Variants in EXOC4 observed in about 807,000 individuals in gnomAD.
EXOC4 encodes the protein exocyst complex component 4.
A neutral mutation model predicts 107.2 loss-of-function variants in EXOC4; 71 were observed. The observed-to-expected ratio is 0.66, with a 90% confidence interval of 0.55 to 0.81. The LOEUF (loss-of-function observed/expected upper bound fraction) is 0.81, where lower values mean the gene tolerates loss of function less well. Among genes scored for constraint, EXOC4 ranks in the 30% least tolerant of loss-of-function variants. The pLI, the probability that EXOC4 is intolerant of heterozygous loss-of-function variation, is 0.00. For missense variants in EXOC4, 1,108 were observed against 1,189.6 expected, an observed-to-expected ratio of 0.93 and a Z score of 1.01; for synonymous variants, 456 against 441.2, an observed-to-expected ratio of 1.03 and a Z score of -0.42.
At chr7:134,020,748 G>A (rs1795010193) in intron 17 of EXOC4, among the ~76,000 whole-genome samples, 1 of 152,142 alleles carries the variant, frequency 6.6e-6, no homozygotes. Flanking sequence ...CACTTTGGGA[G>A]GCTGAGGCAG....
chr7:133,377,521 T>C (rs1796515758), intron 7 of EXOC4, among the ~76,000 whole-genome samples: 1 of 152,126 alleles, frequency 6.6e-6, no homozygotes, highest in African/African-American at 2.4e-5. Flanking sequence ...AACAAAGCTA[T>C]AATATCTTCA....
intron 10 of EXOC4, among the ~76,000 whole-genome samples, chr7:133,755,831 G>A (rs1002166051): frequency 1.3e-5 from 2 of 151,940 alleles, no homozygotes; most frequent in Non-Finnish European, 2.9e-5. Context: ...TAATTTCTTC[G>A]TGTCTAGTGT....
In EXOC4 at chr7:133,708,113, T is replaced by C. The variant is rs533257924; in HGVS notation, c.1514+77972T>C. Among the ~76,000 whole-genome samples, 4 of 152,306 alleles carry C rather than the reference T, an allele frequency of 2.6e-5. 1 individual carries two copies. The South Asian group carries it at 8.3e-4, about 32-fold the overall frequency. On this transcript the variant is annotated intron_variant, in intron 10 of 17. Transcript: ENST00000253861. ...ACTCAGAAGTTGGAAGTAGGAGTAC[T>C]GACTTCTTAGTATAAGGTGAAGCAG...
rs557830870 is a variant in EXOC4 at position 133,300,170 on chromosome 7, A to T, written c.472-5707A>T. Among the ~76,000 whole-genome samples the T allele has an allele frequency of 2.2e-4, 34 of 152,184 alleles. 1 individual carries two copies. The South Asian group carries it at 5.8e-3, about 26-fold the overall frequency. ...GGTGATTTAAGAATGGGCATTTTTGATTGTCTTACTTGATCACTGTTGATT... is the reference window on the plus strand; with the variant it reads ...GGTGATTTAAGAATGGGCATTTTTGTTTGTCTTACTTGATCACTGTTGATT... On this transcript the variant is annotated intron_variant, in intron 3 of 17. Transcript: ENST00000253861.
At chr7:133,982,379 C>T (rs912366718) in intron 14 of EXOC4, among the ~76,000 whole-genome samples, 4 of 152,128 alleles carry the variant, frequency 2.6e-5, no homozygotes, top group East Asian at 1.9e-4. Flanking sequence ...AGTGAAACCA[C>T]GTCTCTACTA....
chr7:133,738,801 G>A (rs1795501297), intron 10 of EXOC4, among the ~76,000 whole-genome samples: 1 of 152,182 alleles, frequency 6.6e-6, no homozygotes, highest in East Asian at 1.9e-4. Context: ...CAGCATGCCT[G>A]TAAGTTTCCT....
At chr7:133,273,026 A>G (rs1793909036) in intron 1 of EXOC4, among the ~76,000 whole-genome samples, 3 of 152,238 alleles carry the variant, frequency 2.0e-5, no homozygotes, top group Admixed American at 6.5e-5. Context: ...AAACCGATCT[A>G]GTGTAGCTTT....
intron 10 of EXOC4, among the ~76,000 whole-genome samples, chr7:133,632,253 CACTT>C (rs1297327901): frequency 6.6e-6 from 1 of 152,120 alleles, no homozygotes; most frequent in African/African-American, 2.4e-5. Flanking sequence ...TGGTTTTACT[CACTT>C]ACTTGGTTTC....
rs375590646 is a variant in EXOC4, at chr7:133,709,866, C to T, written c.1514+79725C>T. On this transcript the variant is annotated intron_variant, in intron 10 of 17. Coordinates refer to ENST00000253861, the MANE Select transcript of EXOC4 (RefSeq NM_021807.4). ...TGTGAGTAAAGCACTTTGAAGAGTGCTTGGCACATGGTAAATGCTGTAGGC... is the reference window on the plus strand; with the variant it reads ...TGTGAGTAAAGCACTTTGAAGAGTGTTTGGCACATGGTAAATGCTGTAGGC... 1.1e-4 allele frequency among the ~76,000 whole-genome samples: 17 copies of T among 152,178 alleles called. No individual in the cohort carries two copies. In the South Asian group the frequency reaches 3.5e-3, roughly 32 times the overall value.
chr7:133,698,539 G>A (rs529844327), intron 10 of EXOC4, among the ~76,000 whole-genome samples: 23 of 146,474 alleles, frequency 1.6e-4, no homozygotes, highest in African/African-American at 5.3e-4. Context: ...CCAAAATCAC[G>A]CCACGGCACT....
chr7:133,588,411 CTTAT>C (rs1801457086), intron 9 of EXOC4, among the ~76,000 whole-genome samples: 1 of 152,042 alleles, frequency 6.6e-6, no homozygotes, highest in African/African-American at 2.4e-5. Flanking sequence ...TTATGGTTTG[CTTAT>C]TTGTGGTTTT....
intron 13 of EXOC4, among the ~76,000 whole-genome samples, chr7:133,922,871 A>G (rs1165384323): frequency 6.6e-6 from 1 of 151,612 alleles, no homozygotes; most frequent in Non-Finnish European, 1.5e-5. Context: ...AAATTTATAC[A>G]TGTGTGTTTC....
At chr7:133,818,462 A>G (rs1438414184) in intron 11 of EXOC4, among the ~76,000 whole-genome samples, 1 of 152,066 alleles carries the variant, frequency 6.6e-6, no homozygotes, top group Non-Finnish European at 1.5e-5. Flanking sequence ...TTTTCTTTGT[A>G]TGTTAGAATT....
intron 10 of EXOC4, among the ~76,000 whole-genome samples, chr7:133,704,530 C>G (rs1794727986): frequency 6.6e-6 from 1 of 152,170 alleles, no homozygotes; most frequent in East Asian, 1.9e-4. Context: ...TATCTTTCAC[C>G]ACAGAGCAGA....
chr7:133,959,225 A>T (rs1273813638), intron 14 of EXOC4, among the ~76,000 whole-genome samples: 2 of 152,208 alleles, frequency 1.3e-5, no homozygotes, highest in Non-Finnish European at 2.9e-5. Context: ...AACAAACAGG[A>T]AAAGCAACTT....
chr7:133,992,156 T>C (rs908494412), intron 14 of EXOC4, among the ~76,000 whole-genome samples: 2 of 152,222 alleles, frequency 1.3e-5, no homozygotes, highest in Non-Finnish European at 2.9e-5. Context: ...TAATTTTCCT[T>C]GTAGATGTCT....
At chr7:134,055,764 CT>C (rs1407470850) in intron 17 of EXOC4, among the ~76,000 whole-genome samples, 12 of 152,122 alleles carry the variant, frequency 7.9e-5, no homozygotes, top group African/African-American at 2.9e-4. Flanking sequence ...CCTAGTTTTG[CT>C]TTACTTTAAA....
rs2116646741 is a variant in EXOC4, at chr7:133,919,934, A to G, written c.2027+2196A>G. Among the ~76,000 whole-genome samples, 2 of 152,260 alleles carry G rather than the reference A, an allele frequency of 1.3e-5. 1 individual carries two copies. Among genetic ancestry groups the G allele is most frequent in the African/African-American group, 4.8e-5 (2 of 41,544 alleles). On this transcript the variant is annotated intron_variant, in intron 13 of 17. Transcript: ENST00000253861. ...TGTGATTGCTGGATCATAAGGGCAAAATATGTTTAGTTGTATAAGAAACTG... is the reference window on the plus strand; with the variant it reads ...TGTGATTGCTGGATCATAAGGGCAAGATATGTTTAGTTGTATAAGAAACTG...
chr7:133,564,667 CA>C (rs1472967335), intron 9 of EXOC4, among the ~76,000 whole-genome samples: 1 of 152,148 alleles, frequency 6.6e-6, no homozygotes, highest in Non-Finnish European at 1.5e-5. Context: ...AAGGCCCAGT[CA>C]AATGCTGAAT....
Sources: gnomAD v4.1 joint callset for allele counts (sites outside exome capture counted in the v4.1 genomes callset) on GRCh38, gnomAD v4.1.1 for gene constraint, MANE v1.5 for transcripts, NCBI Gene and HGNC (gene_info 2026-07-23, HGNC 2026-07-21) for gene names.